MOV10L1: variants seen among roughly 807,000 people sequenced by gnomAD.
MOV10L1 encodes RNA helicase Mov10l1.
A neutral mutation model predicts 143.8 loss-of-function variants in MOV10L1; 110 were observed. That is an observed-to-expected ratio of 0.76 (90% CI 0.66 to 0.90). The LOEUF is 0.90. MOV10L1 is among the 40% of genes least tolerant of loss of function. The pLI, the probability that MOV10L1 is intolerant of heterozygous loss-of-function variation, is 0.00. For missense variants in MOV10L1, 1,406 were observed against 1,526.8 expected (o/e 0.92, Z 1.32); for synonymous variants, 593 against 581.1 (o/e 1.02, Z -0.29).
chr22:50,108,127 C>T lies in MOV10L1; in HGVS notation c.443-9C>T, dbSNP rs770204444. On this transcript the variant is annotated splice_polypyrimidine_tract_variant and intron_variant, in intron 3 of 26. Coordinates refer to ENST00000262794, the MANE Select transcript of MOV10L1 (RefSeq NM_018995.3). ...AACACTACCATGGCTTTTTTCCTGG[C>T]GGTTTTAGGCTTCGAGCCCTGCAAG... 13 of 1,610,722 alleles carry T rather than the reference C, an allele frequency of 8.1e-6. No individual in the cohort carries two copies. Among genetic ancestry groups the T allele is most frequent in the South Asian group, 2.2e-5 (2 of 90,940 alleles).
In MOV10L1 at chr22:50,152,993, A is replaced by G. The variant is rs183495733; in HGVS notation, c.2893-52A>G. 3.9e-4 allele frequency: 591 copies of G among 1,534,408 alleles called. 8 individuals carry two copies. In the Admixed American group the frequency reaches 0.011, roughly 29 times the overall value. ...GCAGAGCCGCTTTTCGTTCGACAGA[A>G]ACTGTGCCGGGTACCACCTTCCCCT... is the stretch of plus-strand genomic sequence containing the variant. On this transcript the variant is annotated intron_variant, in intron 21 of 26. Coordinates refer to ENST00000262794, the MANE Select transcript of MOV10L1 (RefSeq NM_018995.3). This position sits in a 1 kb window ranked among gnomAD's most constrained non-coding sequence, Gnocchi z 4.4.
At chr22:50,131,543 GT>G (rs1173714181) in intron 13 of MOV10L1, among the ~76,000 whole-genome samples, 6 of 152,064 alleles carry the variant, frequency 3.9e-5, no homozygotes, top group African/African-American at 1.4e-4. Context: ...ATTTTATCCT[GT>G]TTAGAAACTT....
intron 1 of MOV10L1, chr22:50,090,529 CCG>C: frequency 1.9e-6 from 3 of 1,605,800 alleles, no homozygotes; most frequent in Non-Finnish European, 2.6e-6. Context: ...CTAGAAAGCC[CCG>C]AAAAACGCGG....
chr22:50,134,498 A>G (rs556272561), intron 14 of MOV10L1, 32 bp from the exon 15 acceptor site: 9 of 1,574,498 alleles, frequency 5.7e-6, no homozygotes, highest in Non-Finnish European at 7.0e-6. Flanking sequence ...TTTTAGTTAT[A>G]CCCGTGCTCT....
At chr22:50,141,415 G>A (rs987998867) in intron 15 of MOV10L1, among the ~76,000 whole-genome samples, 3 of 151,000 alleles carry the variant, frequency 2.0e-5, no homozygotes, top group Non-Finnish European at 4.4e-5. Context: ...CTGCAGCCCC[G>A]CCTCCTGGGC....
chr22:50,155,433 G>A (rs1011252302), intron 22 of MOV10L1, among the ~76,000 whole-genome samples: 5 of 151,324 alleles, frequency 3.3e-5, no homozygotes, highest in South Asian at 4.2e-4. Context: ...ACTAATTTTC[G>A]TATTTTTACT....
rs186204825 is a variant in MOV10L1, at chr22:50,144,860, C to A, written c.2505+617C>A. 4.6e-5 allele frequency among the ~76,000 whole-genome samples: 7 copies of A among 152,276 alleles called. No individual in the cohort carries two copies. The East Asian group carries it at 1.2e-3, about 25-fold the overall frequency. On this transcript the variant is annotated intron_variant, in intron 18 of 26. Coordinates refer to ENST00000262794, the MANE Select transcript of MOV10L1 (RefSeq NM_018995.3). Reference sequence around the variant, plus strand: ...CCTCCCAAAGTGCTGGGATTACAGGCGTGAGCCACCGTGCCCGGCCTGGTT... The same window carrying A: ...CCTCCCAAAGTGCTGGGATTACAGGAGTGAGCCACCGTGCCCGGCCTGGTT...
rs540540933 is a variant in MOV10L1, at chr22:50,097,856, C to G, written c.283-1587C>G. ...GGGTTTTTTTGTTGTTTGTTTGAGACAGAGTCTTGCTCTGTCACCCAGGAT... is the reference window on the plus strand; with the variant it reads ...GGGTTTTTTTGTTGTTTGTTTGAGAGAGAGTCTTGCTCTGTCACCCAGGAT... On this transcript the variant is annotated intron_variant, in intron 2 of 26. Transcript: ENST00000262794. Among the ~76,000 whole-genome samples the G allele has an allele frequency of 2.6e-5, 4 of 152,176 alleles. No homozygotes were observed. In the East Asian group the frequency reaches 7.7e-4, roughly 29 times the overall value.
chr22:50,103,512 C>T (rs930504367), intron 3 of MOV10L1, among the ~76,000 whole-genome samples: 2 of 152,166 alleles, frequency 1.3e-5, no homozygotes, highest in Admixed American at 1.3e-4. Context: ...CTGCATCCTA[C>T]CCTGGCCATG....
chr22:50,136,611 A>G (rs989677705), intron 15 of MOV10L1, among the ~76,000 whole-genome samples: 1 of 152,218 alleles, frequency 6.6e-6, no homozygotes, highest in South Asian at 2.1e-4. Flanking sequence ...GAGAGCACCA[A>G]GAGGGAGCCC....
chr22:50,160,688 G>C lies in MOV10L1; in HGVS notation c.3325G>C (p.Val1109Leu). 1 of 1,613,374 alleles carries C rather than the reference G, an allele frequency of 6.2e-7. No individual in the cohort carries two copies. Among genetic ancestry groups the C allele is most frequent in the Non-Finnish European group, 8.5e-7 (1 of 1,179,730 alleles). ...TTTATTCATCTCTGTGTGCTTTTAG[G>C]TACGGTCAAATGAAGATAGATTTGA... ...QEYLVIIIST[V>L]RSNEDRFEDD... Residue 1109 changes from valine to leucine, a missense_variant and splice_region_variant, in exon 25 of 27, where the codon GTA becomes CTA. By Grantham distance (32) the Val-to-Leu change is conservative. Around this residue, in one of 3 missense-constraint regions of MOV10L1, gnomAD observed 1,233 missense variants for 1,351.4 expected, o/e 0.91. Transcript: ENST00000262794.
At chr22:50,137,591 G>A (rs9617039) in intron 15 of MOV10L1, among the ~76,000 whole-genome samples, 32,872 of 151,734 alleles carry the variant, frequency 0.22, 3,950 homozygotes, top group Admixed American at 0.35. Flanking sequence ...TGTAGACCTA[G>A]CTACTCAGGA....
At chr22:50,121,096 A>G (rs1202739764) in intron 10 of MOV10L1, among the ~76,000 whole-genome samples, 1 of 152,130 alleles carries the variant, frequency 6.6e-6, no homozygotes, top group Non-Finnish European at 1.5e-5. Context: ...GAAGGAAGAA[A>G]AGTCTATAAA....
chr22:50,153,011 C>T (rs1241004631), intron 21 of MOV10L1, 34 bp from the exon 22 acceptor site: 3 of 1,566,890 alleles, frequency 1.9e-6, no homozygotes, highest in Non-Finnish European at 2.6e-6. Context: ...CGGGTACCAC[C>T]TTCCCCTTGT....
chr22:50,115,253 G>C lies in MOV10L1; in HGVS notation c.1259+7G>C. 1 of 1,509,240 alleles carries C rather than the reference G, an allele frequency of 6.6e-7. No homozygotes were observed. Among genetic ancestry groups the C allele is most frequent in the Non-Finnish European group, 8.8e-7 (1 of 1,138,100 alleles). The allele number at this position is 1,509,240 out of a possible 1,614,324, so 93.5% of individuals were successfully genotyped here. A position where few individuals can be genotyped will look rare whatever the true frequency, so the allele number is the denominator to read the frequency against. On this transcript the variant is annotated splice_region_variant and intron_variant, in intron 8 of 26. Coordinates refer to ENST00000262794, the MANE Select transcript of MOV10L1 (RefSeq NM_018995.3). ...TGGTCATCTGTGACGGAAAGTAAGG[G>C]CCTGGAGGTCTGGGGAGAGCCGCGT...
chr22:50,103,947 AATTTAT>A, intron 3 of MOV10L1, among the ~76,000 whole-genome samples: 1 of 152,212 alleles, frequency 6.6e-6, no homozygotes. Context: ...ATTATGTTGT[AATTTAT>A]AAGGAAATAA....
At chr22:50,092,552 C>T (rs774357759) in intron 2 of MOV10L1, among the ~76,000 whole-genome samples, 5 of 152,082 alleles carry the variant, frequency 3.3e-5, no homozygotes, top group East Asian at 1.9e-4. Context: ...GCGGGAGGAT[C>T]GCTTGAGCCC....
At chr22:50,102,410 T>G (rs569580361) in intron 3 of MOV10L1, among the ~76,000 whole-genome samples, 57 of 152,282 alleles carry the variant, frequency 3.7e-4, no homozygotes, top group African/African-American at 1.3e-3. Context: ...TCATAAAACT[T>G]TATTTATAAC....
chr22:50,137,203 C>T (rs1263741613), intron 15 of MOV10L1, among the ~76,000 whole-genome samples: 1 of 152,114 alleles, frequency 6.6e-6, no homozygotes, highest in Non-Finnish European at 1.5e-5. Flanking sequence ...GAACCAACCC[C>T]CCCGAAATAA....
Sources: allele counts gnomAD v4.1 joint callset (sites outside exome capture counted in the v4.1 genomes callset), GRCh38; gene constraint gnomAD v4.1.1; regional missense constraint gnomAD v4.1.1; non-coding constraint Gnocchi (gnomAD v3.1); transcripts MANE v1.5; gene names NCBI Gene and HGNC (gene_info 2026-07-23, HGNC 2026-07-21).